The following PCDH17 variants were observed in gnomAD, a reference collection of about 807,000 sequenced individuals.
The protein encoded by PCDH17 is protocadherin-17.
A neutral mutation model predicts 67.7 loss-of-function variants in PCDH17; 21 were observed. The observed-to-expected ratio is 0.31, with a 90% CI of 0.22 to 0.45. PCDH17 has a LOEUF of 0.45. PCDH17 is among the 20% of genes least tolerant of loss of function. PCDH17 has a pLI of 1.00. For missense variants in PCDH17, 1,471 were observed against 1,564.8 expected (o/e 0.94, Z 1.01); for synonymous variants, 701 against 656.7 (o/e 1.07, Z -1.03).
intron 3 of PCDH17, among the ~76,000 whole-genome samples, chr13:57,687,613 A>G (rs528851758): frequency 1.3e-5 from 2 of 152,066 alleles, no homozygotes; most frequent in South Asian, 4.1e-4. Flanking sequence ...GAAAAAAATT[A>G]AAAAGAAGAT....
intron 3 of PCDH17, among the ~76,000 whole-genome samples, chr13:57,717,800 C>G (rs1460834653): frequency 6.6e-6 from 1 of 151,954 alleles, no homozygotes; most frequent in East Asian, 1.9e-4. Flanking sequence ...ATCTGGAAGC[C>G]AGATTAGCAG....
At chr13:57,657,345 A>G (rs1009677802) in intron 1 of PCDH17, among the ~76,000 whole-genome samples, 13 of 152,188 alleles carry the variant, frequency 8.5e-5, no homozygotes, top group African/African-American at 3.1e-4. Flanking sequence ...TAGTAGCAAA[A>G]CACAAATGTC....
intron 3 of PCDH17, among the ~76,000 whole-genome samples, chr13:57,685,334 T>C (rs1215621020): frequency 6.6e-6 from 1 of 151,960 alleles, no homozygotes; most frequent in African/African-American, 2.4e-5. Flanking sequence ...ATATAAAGCA[T>C]TACTGATTCT....
At chr13:57,693,338 A>ATATATATATATATT (rs1401987726) in intron 3 of PCDH17, among the ~76,000 whole-genome samples, 26 of 142,122 alleles carry the variant, frequency 1.8e-4, no homozygotes, top group Middle Eastern at 3.9e-3. Context: ...ATATATATAT[A>ATATATATATATATT]TATATATCAA....
chr13:57,669,030 C>A (rs1345764613), intron 3 of PCDH17, among the ~76,000 whole-genome samples: 2 of 151,940 alleles, frequency 1.3e-5, no homozygotes, highest in Admixed American at 1.3e-4. Context: ...GTGATGTTCC[C>A]CTTCCTGTGT....
At chr13:57,657,088 A>G (rs773227347) in intron 1 of PCDH17, among the ~76,000 whole-genome samples, 9 of 152,162 alleles carry the variant, frequency 5.9e-5, no homozygotes, top group Non-Finnish European at 7.4e-5. Context: ...AAATTACATA[A>G]TTAAATGCTG....
chr13:57,659,103 T>TTGTG (rs71083322), intron 1 of PCDH17, among the ~76,000 whole-genome samples: 8,708 of 139,674 alleles, frequency 0.062, 266 homozygotes, highest in Middle Eastern at 0.11. Context: ...GTTATTTATA[T>TTGTG]TGTGTGTGTG....
At chr13:57,695,575 T>G (rs1039530323) in intron 3 of PCDH17, among the ~76,000 whole-genome samples, 1 of 151,398 alleles carries the variant, frequency 6.6e-6, no homozygotes, top group Admixed American at 6.6e-5. Flanking sequence ...TTCTAGCTAT[T>G]TTAATGAAAA....
At chr13:57,665,655 A>C (rs1320994648) in intron 1 of PCDH17, among the ~76,000 whole-genome samples, 1 of 152,166 alleles carries the variant, frequency 6.6e-6, no homozygotes, top group Non-Finnish European at 1.5e-5. Context: ...AAATCTATGA[A>C]AGATCCAGTC....
chr13:57,703,490 C>A (rs1211977462), intron 3 of PCDH17, among the ~76,000 whole-genome samples: 1 of 152,072 alleles, frequency 6.6e-6, no homozygotes, highest in Admixed American at 6.6e-5. Context: ...CATGCATCTT[C>A]ATAAAATCAT....
chr13:57,711,113 A>T (rs2138089225), intron 3 of PCDH17, among the ~76,000 whole-genome samples: 1 of 152,148 alleles, frequency 6.6e-6, no homozygotes, highest in Non-Finnish European at 1.5e-5. Flanking sequence ...AGCAAAAATT[A>T]AATTCAAGGG....
intron 3 of PCDH17, among the ~76,000 whole-genome samples, chr13:57,674,317 A>AT (rs1172717731): frequency 6.6e-6 from 1 of 151,772 alleles, no homozygotes; most frequent in African/African-American, 2.4e-5. Flanking sequence ...ATTTTGTTTT[A>AT]TTTTTTATTT....
chr13:57,726,307 A>G lies in PCDH17; in HGVS notation c.*1013A>G, dbSNP rs1470303039. ...AGATTCAATGTGTTTACATCAAATG[A>G]CATATTTTATTGATTTATTGCAGAT... On this transcript the variant is annotated 3_prime_UTR_variant, in exon 4 of 4. Transcript: ENST00000377918. 6.6e-6 allele frequency: 1 copy of G among 152,646 alleles called. No homozygotes were observed. The highest frequency in any genetic ancestry group is 1.5e-5 in the Non-Finnish European group (1 of 68,026). 9.5% of individuals were successfully genotyped at this position (152,646 alleles called of 1,614,324 possible). A position where few individuals can be genotyped will look rare whatever the true frequency, so the allele number is the denominator to read the frequency against.
At position 57,672,729 on chromosome 13, in the gene PCDH17, C is replaced by A. The variant is rs187189064; in HGVS notation, c.2797+5896C>A. On this transcript the variant is annotated intron_variant, in intron 3 of 3. Coordinates refer to ENST00000377918, the MANE Select transcript of PCDH17 (RefSeq NM_001040429.3). ...TAGTAGAACTGTTTCTTTCTGTGTT[C>A]TAGTCTGTGGAATGGTTACTGTAGT... 6.9e-4 allele frequency among the ~76,000 whole-genome samples: 105 copies of A among 152,020 alleles called. 1 individual carries two copies. The highest frequency in any genetic ancestry group is 1.8e-3 in the Admixed American group (28 of 15,240).
At chr13:57,641,590 A>ATC (rs1954904112) in intron 1 of PCDH17, among the ~76,000 whole-genome samples, 2 of 81,646 alleles carry the variant, frequency 2.4e-5, no homozygotes, top group African/African-American at 9.0e-5. Flanking sequence ...AAAAAAAAAT[A>ATC]TATATATATA....
At position 57,682,145 on chromosome 13, in the gene PCDH17, T is replaced by C. The variant is rs1357379812; in HGVS notation, c.2797+15312T>C. Among the ~76,000 whole-genome samples, 6 of 151,812 alleles carry C rather than the reference T, an allele frequency of 4.0e-5. No homozygotes were observed. In the East Asian group the frequency reaches 9.8e-4, roughly 25 times the overall value. ...TTATCTTCACGTCTATCCCAAGCCC[T>C]CCCCAGCCATCTTCCTTCTTATACT... On this transcript the variant is annotated intron_variant, in intron 3 of 3. Coordinates refer to ENST00000377918, the MANE Select transcript of PCDH17 (RefSeq NM_001040429.3).
chr13:57,631,395 C>G (rs941760503), upstream of PCDH17, among the ~76,000 whole-genome samples: 1 of 152,154 alleles, frequency 6.6e-6, no homozygotes, highest in African/African-American at 2.4e-5. Context: ...CGGCCTCCCC[C>G]CTCCTCCTTT....
intron 3 of PCDH17, among the ~76,000 whole-genome samples, chr13:57,716,996 G>A (rs959876102): frequency 1.3e-5 from 2 of 151,956 alleles, no homozygotes; most frequent in Non-Finnish European, 2.9e-5. Flanking sequence ...CTGGTGGGAC[G>A]TTTGAATTGT....
chr13:57,698,087 C>G lies in PCDH17; in HGVS notation c.2798-26525C>G, dbSNP rs536932338. Among the ~76,000 whole-genome samples the G allele has an allele frequency of 9.2e-5, 14 of 151,552 alleles. No homozygotes were observed. In the South Asian group the frequency reaches 2.7e-3, roughly 29 times the overall value. On this transcript the variant is annotated intron_variant, in intron 3 of 3. Transcript: ENST00000377918. Reference sequence around the variant, plus strand: ...AGTATACATATGGTGTAACATTGTACAAAAACATTTAATCAAGTAACATTT... The same window carrying G: ...AGTATACATATGGTGTAACATTGTAGAAAAACATTTAATCAAGTAACATTT...
Sources: allele counts gnomAD v4.1 joint callset (sites outside exome capture counted in the v4.1 genomes callset), GRCh38; gene constraint gnomAD v4.1.1; transcripts MANE v1.5; gene names NCBI Gene and HGNC (gene_info 2026-07-23, HGNC 2026-07-21).